Variants in HPSE2 observed in about 807,000 individuals in gnomAD.
HPSE2 encodes inactive heparanase-2.
A neutral mutation model predicts 60.5 loss-of-function variants in HPSE2; 38 were observed. That is an observed-to-expected ratio of 0.63 (90% confidence interval 0.48 to 0.82). The LOEUF is 0.82. Ranked by LOEUF, HPSE2 falls within the 40% of genes least tolerant of loss-of-function variation. HPSE2 has a pLI of 0.00. For missense variants in HPSE2, 713 were observed against 740.4 expected (o/e 0.96, Z 0.43); for synonymous variants, 295 against 293.2 (o/e 1.01, Z -0.06).
At chr10:99,052,727 T>C (rs1283097893) in intron 3 of HPSE2, among the ~76,000 whole-genome samples, 1 of 151,910 alleles carries the variant, frequency 6.6e-6, no homozygotes, top group Non-Finnish European at 1.5e-5. Flanking sequence ...GACTCCTCAC[T>C]GTAAAGAAGA....
intron 6 of HPSE2, among the ~76,000 whole-genome samples, chr10:98,669,495 A>C (rs1305333984): frequency 6.6e-6 from 1 of 152,262 alleles, no homozygotes; most frequent in Non-Finnish European, 1.5e-5. Context: ...CATGCCCATC[A>C]ATGGTGGACT....
At chr10:98,698,938 C>A (rs111646816) in intron 5 of HPSE2, among the ~76,000 whole-genome samples, 1 of 152,068 alleles carries the variant, frequency 6.6e-6, no homozygotes, top group Admixed American at 6.6e-5. Context: ...AAGACTAAAC[C>A]AGGAAGAAGT....
At chr10:99,187,726 A>T (rs1266174642) in intron 2 of HPSE2, among the ~76,000 whole-genome samples, 1 of 151,892 alleles carries the variant, frequency 6.6e-6, no homozygotes, top group Non-Finnish European at 1.5e-5. Context: ...AATTAAAAAG[A>T]CTGACTATAA....
intron 9 of HPSE2, among the ~76,000 whole-genome samples, chr10:98,552,158 T>C (rs1943882271): frequency 6.6e-6 from 1 of 152,092 alleles, no homozygotes; most frequent in Non-Finnish European, 1.5e-5. Context: ...AGGGGAACAA[T>C]GAATTTAGTT....
At chr10:98,579,990 T>A (rs1264617117) in intron 9 of HPSE2, among the ~76,000 whole-genome samples, 1 of 152,224 alleles carries the variant, frequency 6.6e-6, no homozygotes, top group East Asian at 1.9e-4. Context: ...ATTTGTGGAC[T>A]TTCATGTCTG....
intron 9 of HPSE2, among the ~76,000 whole-genome samples, chr10:98,606,189 CAAAT>C (rs1333777381): frequency 1.3e-5 from 2 of 152,020 alleles, no homozygotes; most frequent in South Asian, 4.2e-4. Context: ...AAATAGTTGT[CAAAT>C]GAATGAATGA....
In HPSE2 at chr10:98,731,543, A is replaced by C. The variant is rs542028617; in HGVS notation, c.785-9715T>G. ...AATTATCATCTCAATAGCTGCAACA[A>C]CACCACCAAAACTCATCTGACAAAA... On this transcript the variant is annotated intron_variant, in intron 4 of 11. Coordinates refer to ENST00000370552, the MANE Select transcript of HPSE2 (RefSeq NM_021828.5). 1.3e-4 allele frequency among the ~76,000 whole-genome samples: 20 copies of C among 152,334 alleles called. No individual in the cohort carries two copies. In the South Asian group the frequency reaches 1.5e-3, roughly 11 times the overall value.
At chr10:99,115,491 T>TGCCCAG (rs1844654157) in intron 3 of HPSE2, among the ~76,000 whole-genome samples, 14 of 151,968 alleles carry the variant, frequency 9.2e-5, no homozygotes, top group Admixed American at 5.2e-4. Flanking sequence ...GACAGGGCTT[T>TGCCCAG]GCTATGTTGC....
intron 3 of HPSE2, among the ~76,000 whole-genome samples, chr10:98,935,967 C>T (rs1464692884): frequency 6.9e-6 from 1 of 144,912 alleles, no homozygotes; most frequent in African/African-American, 2.8e-5. Context: ...AAGCCCCTGA[C>T]TGGAGCTGGT....
intron 7 of HPSE2, among the ~76,000 whole-genome samples, chr10:98,635,692 G>A (rs1946478666): frequency 6.6e-6 from 1 of 151,894 alleles, no homozygotes. Flanking sequence ...TGAAGCAGGA[G>A]GAGCGCTTGA....
At chr10:98,882,957 T>C (rs1297925250) in intron 3 of HPSE2, among the ~76,000 whole-genome samples, 1 of 152,052 alleles carries the variant, frequency 6.6e-6, no homozygotes, top group Non-Finnish European at 1.5e-5. Flanking sequence ...ACCTTCAGAG[T>C]ATGATGCCGA....
intron 3 of HPSE2, among the ~76,000 whole-genome samples, chr10:98,755,976 CAGAG>C (rs1357152065): frequency 6.6e-6 from 1 of 152,058 alleles, no homozygotes; most frequent in African/African-American, 2.4e-5. Flanking sequence ...AGCCTGGCAA[CAGAG>C]AGAGATTCTG....
intron 3 of HPSE2, among the ~76,000 whole-genome samples, chr10:98,801,468 C>T (rs538040654): frequency 6.6e-6 from 1 of 151,982 alleles, no homozygotes; most frequent in African/African-American, 2.4e-5. Context: ...CCTAAAGACC[C>T]CATCAAAAAA....
intron 3 of HPSE2, among the ~76,000 whole-genome samples, chr10:98,791,226 G>C (rs1950648613): frequency 6.6e-6 from 1 of 152,148 alleles, no homozygotes; most frequent in Non-Finnish European, 1.5e-5. Flanking sequence ...ATTGACTGAG[G>C]GGGAGGGAGA....
chr10:98,550,839 C>T (rs555492780), intron 9 of HPSE2, among the ~76,000 whole-genome samples: 8 of 152,076 alleles, frequency 5.3e-5, no homozygotes, highest in Admixed American at 2.0e-4. Context: ...CAACTCCTGG[C>T]TTCAAGTGAT....
At chr10:98,635,033 G>A (rs963070072) in intron 7 of HPSE2, among the ~76,000 whole-genome samples, 6 of 152,146 alleles carry the variant, frequency 3.9e-5, no homozygotes, top group Admixed American at 6.6e-5. Context: ...TCTTATTACT[G>A]TTGCTTGCTT....
At chr10:99,214,487 C>G (rs899762224) in intron 2 of HPSE2, among the ~76,000 whole-genome samples, 1 of 152,078 alleles carries the variant, frequency 6.6e-6, no homozygotes, top group Non-Finnish European at 1.5e-5. Context: ...TATATTCATA[C>G]AGTGGAATAT....
At chr10:98,642,289 C>T (rs1331576723) in intron 6 of HPSE2, among the ~76,000 whole-genome samples, 1 of 152,096 alleles carries the variant, frequency 6.6e-6, no homozygotes, top group Non-Finnish European at 1.5e-5. Context: ...CATCCCATGC[C>T]CATCACTAAT....
intron 11 of HPSE2, among the ~76,000 whole-genome samples, chr10:98,477,030 T>C (rs959904571): frequency 7.2e-5 from 11 of 152,214 alleles, no homozygotes. Flanking sequence ...TTGTAGCACA[T>C]TGTTGAAAAA....
Sources: gnomAD v4.1 joint callset for allele counts (sites outside exome capture counted in the v4.1 genomes callset) on GRCh38, gnomAD v4.1.1 for gene constraint, MANE v1.5 for transcripts, NCBI Gene and HGNC (gene_info 2026-07-23, HGNC 2026-07-21) for gene names.